DNAI3: variants seen among roughly 807,000 people sequenced by gnomAD.
DNAI3 encodes dynein axonemal intermediate chain 3.
DNAI3 carries 83 observed loss-of-function variants against 115.5 expected under a neutral mutation model. The ratio of observed to expected loss-of-function variants is 0.72; its 90% confidence interval spans 0.60 to 0.86. The LOEUF is 0.86. Ranked by LOEUF, DNAI3 falls within the 40% of genes least tolerant of loss-of-function variation. The pLI, the probability that DNAI3 is intolerant of heterozygous loss-of-function variation, is 0.00. For missense variants in DNAI3, 1,004 were observed against 1,075.8 expected, an observed-to-expected ratio of 0.93 and a Z score of 0.93; for synonymous variants, 320 against 347.0, an observed-to-expected ratio of 0.92 and a Z score of 0.86.
Position 85,095,950 on chromosome 1 carries a change from A to T in DNAI3, c.1193A>T (p.Asp398Val). The T allele has an allele frequency of 6.2e-7, 1 of 1,613,964 alleles. No homozygotes were observed. Among genetic ancestry groups the T allele is most frequent in the African/African-American group, 1.3e-5 (1 of 75,042 alleles). Residue 398 changes from aspartate (D) to valine (V), a missense_variant, in exon 11 of 23, where the codon GAT becomes GTT. By Grantham distance (152) the Asp-to-Val change is radical. Transcript: ENST00000294664. ...CTTTAGTTAATGCTGGAGAGCCCAG[A>T]TGACATCTTCTGCTTCAAGTTCTGT... Reference protein sequence around the residue: ...IHPQLMLESPDDIFCFKFCPS... With the variant: ...IHPQLMLESPVDIFCFKFCPS...
At chr1:85,126,441 C>T (rs1465200731) in intron 19 of DNAI3, 70 bp from the exon 20 acceptor site, 1 of 1,473,700 alleles carries the variant, frequency 6.8e-7, no homozygotes, top group Non-Finnish European at 9.2e-7. Context: ...ACTTAATGAA[C>T]AGCATGGTGA....
chr1:85,132,310 C>T (rs751835552), intron 22 of DNAI3, among the ~76,000 whole-genome samples: 1 of 152,228 alleles, frequency 6.6e-6, no homozygotes, highest in Non-Finnish European at 1.5e-5. Flanking sequence ...TGAGGCTGTA[C>T]AGTTCAACAC....
At chr1:85,129,404 C>G (rs1201250808) in intron 21 of DNAI3, among the ~76,000 whole-genome samples, 1 of 151,644 alleles carries the variant, frequency 6.6e-6, no homozygotes, top group Non-Finnish European at 1.5e-5. Flanking sequence ...AAAAGGCTGT[C>G]TCTGCCCTGG....
chr1:85,073,568 G>T (rs1204661976), intron 3 of DNAI3, among the ~76,000 whole-genome samples: 1 of 152,118 alleles, frequency 6.6e-6, no homozygotes, highest in Non-Finnish European at 1.5e-5. Flanking sequence ...ACTTCTTTTG[G>T]TGGGATGGAG....
intron 16 of DNAI3, among the ~76,000 whole-genome samples, chr1:85,116,228 C>T (rs1254190770): frequency 6.6e-6 from 1 of 152,204 alleles, no homozygotes; most frequent in African/African-American, 2.4e-5. Flanking sequence ...GGGTTTAAAC[C>T]CAATCTACCC....
At chr1:85,105,673 T>A (rs1256996238) in intron 14 of DNAI3, among the ~76,000 whole-genome samples, 1 of 152,218 alleles carries the variant, frequency 6.6e-6, no homozygotes, top group Non-Finnish European at 1.5e-5. Context: ...AGCTAGTAAG[T>A]AATGACATTC....
intron 1 of DNAI3, among the ~76,000 whole-genome samples, chr1:85,064,634 T>G (rs988694688): frequency 6.6e-6 from 1 of 152,138 alleles, no homozygotes; most frequent in Non-Finnish European, 1.5e-5. Flanking sequence ...GAGAGGTACC[T>G]CACGTCTATA....
At chr1:85,094,134 G>T (rs1031241317) in intron 9 of DNAI3, 21 of 425,538 alleles carry the variant, frequency 4.9e-5, no homozygotes, top group African/African-American at 4.0e-4. Context: ...CCCTACACTG[G>T]CCCTTTTCTC....
intron 18 of DNAI3, among the ~76,000 whole-genome samples, chr1:85,122,138 T>G (rs1656010052): frequency 1.3e-5 from 2 of 152,358 alleles, no homozygotes; most frequent in South Asian, 4.1e-4. Flanking sequence ...CGGAGAAACT[T>G]GAGTGATTTA....
Position 85,084,552 on chromosome 1 carries a change from G to T in DNAI3, c.397G>T (p.Glu133Ter). ...GCTATTTATTTTACTTTAGCCCCCA[G>T]AAGTACCAGAAGAACAAGAAGAATA... ...EGKENYLNPP[E>*]VPEEQEEYKE... Residue 133 changes from glutamate (E) to a stop codon, truncating the protein, a stop_gained, in exon 6 of 23, where the codon GAA becomes TAA. Coordinates refer to ENST00000294664, the MANE Select transcript of DNAI3 (RefSeq NM_145172.5). LOFTEE classifies it high-confidence loss of function. 2 of 1,440,344 alleles carry T rather than the reference G, an allele frequency of 1.4e-6. No homozygotes were observed. Among genetic ancestry groups the T allele is most frequent in the South Asian group, 1.7e-5 (1 of 57,538 alleles). 89.2% of individuals were successfully genotyped at this position (1,440,344 alleles called of 1,614,324 possible).
chr1:85,097,772 AGAAT>A (rs943424463), intron 12 of DNAI3, 117 bp downstream of exon 12: 2 of 734,922 alleles, frequency 2.7e-6, no homozygotes, highest in African/African-American at 5.8e-5. Flanking sequence ...AAAAAAAAAA[AGAAT>A]GTTATTTCCC....
chr1:85,117,922 T>TA (rs1655880939), intron 17 of DNAI3, 63 bp downstream of exon 17: 4 of 1,552,800 alleles, frequency 2.6e-6, no homozygotes, highest in Non-Finnish European at 3.5e-6. Flanking sequence ...GTTATTACAA[T>TA]ATCTACTGTA....
intron 6 of DNAI3, 110 bp downstream of exon 6, chr1:85,084,805 G>A (rs1654750714): frequency 1.7e-6 from 2 of 1,149,700 alleles, no homozygotes; most frequent in Non-Finnish European, 1.1e-6. Context: ...CATAGTTTTT[G>A]GTGTGTTGTT....
chr1:85,081,138 C>A, intron 3 of DNAI3, 96 bp from the exon 4 acceptor site: 5 of 987,834 alleles, frequency 5.1e-6, no homozygotes, highest in Non-Finnish European at 7.1e-6. Flanking sequence ...AAAATTTAAC[C>A]AAGATAATTA....
chr1:85,072,660 A>AG (rs1557706100), intron 2 of DNAI3, among the ~76,000 whole-genome samples: 5 of 89,146 alleles, frequency 5.6e-5, no homozygotes, highest in Admixed American at 1.2e-4. Flanking sequence ...AAAAAGAAAA[A>AG]TAAAAAAAAG....
chr1:85,064,799 G>A (rs1037271588), intron 1 of DNAI3, among the ~76,000 whole-genome samples: 6 of 152,052 alleles, frequency 3.9e-5, no homozygotes, highest in Non-Finnish European at 5.9e-5. Flanking sequence ...TTGGGAGGCC[G>A]AGGCAGGCAG....
intron 1 of DNAI3, among the ~76,000 whole-genome samples, chr1:85,067,114 C>T (rs1054849208): frequency 1.7e-4 from 26 of 152,172 alleles, no homozygotes; most frequent in African/African-American, 6.3e-4. Context: ...ATTTTCCTTT[C>T]AGTTTAGACT....
At chr1:85,132,555 T>C (rs1447485814) in intron 22 of DNAI3, among the ~76,000 whole-genome samples, 1 of 152,152 alleles carries the variant, frequency 6.6e-6, no homozygotes, top group African/African-American at 2.4e-5. Flanking sequence ...CTGCAACCTC[T>C]AGGCTATTAG....
At chr1:85,064,969 G>T (rs1372484990) in intron 1 of DNAI3, among the ~76,000 whole-genome samples, 6 of 152,128 alleles carry the variant, frequency 3.9e-5, no homozygotes, top group Non-Finnish European at 7.3e-5. Context: ...GGAGGCGGAG[G>T]TTGCAATGAG....
Sources: gnomAD v4.1 joint callset for allele counts (sites outside exome capture counted in the v4.1 genomes callset) on GRCh38, gnomAD v4.1.1 for gene constraint, MANE v1.5 for transcripts, NCBI Gene and HGNC (gene_info 2026-07-23, HGNC 2026-07-21) for gene names.